Variants in IRS2 observed in about 807,000 individuals in gnomAD.
The protein encoded by IRS2 is insulin receptor substrate 2.
Under a neutral mutation model 70.9 loss-of-function variants are expected in IRS2, and 28 were observed. The ratio of observed to expected loss-of-function variants is 0.39; its 90% CI spans 0.29 to 0.54. The LOEUF is 0.54. Ranked by LOEUF, IRS2 falls within the 20% of genes least tolerant of loss-of-function variation. The pLI, the probability that IRS2 is intolerant of heterozygous loss-of-function variation, is 0.59. For missense variants in IRS2, 2,081 were observed against 2,024.1 expected (o/e 1.03, Z -0.54); for synonymous variants, 1,217 against 981.9 (o/e 1.24, Z -4.48).
rs941719930 is a variant in IRS2 at position 109,785,570 on chromosome 13, ACGCGGCGGG to A, written c.475_483del (p.Pro159_Ala161del). 6 of 1,315,974 alleles carry A rather than the reference ACGCGGCGGG, an allele frequency of 4.6e-6. No individual in the cohort carries two copies. The highest frequency in any genetic ancestry group is 4.8e-6 in the Non-Finnish European group (5 of 1,034,760). The allele number at this position is 1,315,974 out of a possible 1,614,324, so 81.5% of individuals were successfully genotyped here. A position where few individuals can be genotyped will look rare whatever the true frequency, so the allele number is the denominator to read the frequency against. On this transcript the variant is annotated inframe_deletion, in exon 1 of 2. Transcript: ENST00000375856. The surrounding 1 kb of genome is among the most constrained non-coding windows in gnomAD (Gnocchi z 9.3). ...GCGCCGGGCAGGGAGGCGCTGCAGG[ACGCGGCGGG>A]CGCGGCGGCGGGGGGCGCGTCTCCG...
chr13:109,771,061 C>T (rs1198696959), intron 1 of IRS2, among the ~76,000 whole-genome samples: 6 of 152,268 alleles, frequency 3.9e-5, no homozygotes, highest in Middle Eastern at 3.4e-3. Flanking sequence ...AACAGTAAGA[C>T]GGCAAACTGA....
chr13:109,774,714 C>G (rs1213611742), intron 1 of IRS2, among the ~76,000 whole-genome samples: 2 of 152,150 alleles, frequency 1.3e-5, no homozygotes, highest in Non-Finnish European at 2.9e-5. Flanking sequence ...ACTGTAGGTT[C>G]TTGATTCCAA....
intron 1 of IRS2, among the ~76,000 whole-genome samples, chr13:109,772,490 T>C (rs1450087946): frequency 1.3e-5 from 2 of 152,204 alleles, no homozygotes; most frequent in African/African-American, 4.8e-5. Context: ...TTCGCCCGGA[T>C]AGCAAAACTG....
chr13:109,778,612 C>T (rs749583116), intron 1 of IRS2, among the ~76,000 whole-genome samples: 51 of 152,318 alleles, frequency 3.3e-4, no homozygotes, highest in Non-Finnish European at 5.4e-4. Flanking sequence ...CTCTGCTTTA[C>T]GACTTCAAAA....
intron 1 of IRS2, among the ~76,000 whole-genome samples, chr13:109,764,345 C>G (rs1877289597): frequency 6.6e-6 from 1 of 152,216 alleles, no homozygotes; most frequent in African/African-American, 2.4e-5. Flanking sequence ...GCTGTGTAAT[C>G]TCTACAGCTA....
intron 1 of IRS2, among the ~76,000 whole-genome samples, chr13:109,776,793 T>C (rs1045333530): frequency 2.0e-5 from 3 of 152,224 alleles, no homozygotes; most frequent in Non-Finnish European, 4.4e-5. Context: ...AGTCTAGCAC[T>C]GAACTCTGTG....
Position 109,763,012 on chromosome 13 carries a change from C to T in IRS2, c.4013-6704G>A, listed in dbSNP as rs538044482. Among the ~76,000 whole-genome samples the T allele has an allele frequency of 3.9e-5, 6 of 152,264 alleles. No individual in the cohort carries two copies. In the South Asian group the frequency reaches 6.2e-4, roughly 16 times the overall value. On this transcript the variant is annotated intron_variant, in intron 1 of 1. Coordinates refer to ENST00000375856, the MANE Select transcript of IRS2 (RefSeq NM_003749.3). Reference sequence around the variant, plus strand: ...AAATAAAGTTTTATTTGGGCACAGCCGTGCTCACGCATTTACATATGGCTG... The same window carrying T: ...AAATAAAGTTTTATTTGGGCACAGCTGTGCTCACGCATTTACATATGGCTG...
chr13:109,761,769 A>G (rs1336117794), intron 1 of IRS2, among the ~76,000 whole-genome samples: 1 of 152,212 alleles, frequency 6.6e-6, no homozygotes, highest in Non-Finnish European at 1.5e-5. Flanking sequence ...CTCCTTGAGA[A>G]AGACTGAAAA....
Position 109,770,011 on chromosome 13 carries a change from T to G in IRS2, c.4012+12031A>C, listed in dbSNP as rs1218281486. On this transcript the variant is annotated intron_variant, in intron 1 of 1. Transcript: ENST00000375856. ...GAAAACTGCAAAAGGTGGCAAAAGG[T>G]GAGAATGGGAGGAGACTCATCTGTG... Among the ~76,000 whole-genome samples the G allele has an allele frequency of 3.3e-5, 5 of 152,204 alleles. 1 individual carries two copies. In the South Asian group the frequency reaches 8.3e-4, roughly 25 times the overall value.
Position 109,784,382 on chromosome 13 carries a change from G to C in IRS2, c.1672C>G (p.Arg558Gly), listed in dbSNP as rs749927669. Residue 558 changes from arginine to glycine, a missense_variant, in exon 1 of 2, where the codon CGG becomes GGG. By Grantham distance (125) the Arg-to-Gly change is moderately radical. This residue lies in a region of IRS2 where 1,615 missense variants were observed against 1,459.5 expected (regional missense o/e 1.11). Transcript: ENST00000375856. The surrounding 1 kb of genome is among the most constrained non-coding windows in gnomAD (Gnocchi z 5.2). The part of the protein sequence containing the change: ...PLSHCGRSYR[R>G]VSGDAAQDLD... ...TCCTGGGCCGCGTCCCCCGAGACCC[G>C]GCGGTAGGAGCGGCCACAGTGGCTC... The C allele has an allele frequency of 6.2e-7, 1 of 1,610,448 alleles. No individual in the cohort carries two copies. The highest frequency in any genetic ancestry group is 1.1e-5 in the South Asian group (1 of 91,040).
chr13:109,759,229 G>A (rs745483574), intron 1 of IRS2, among the ~76,000 whole-genome samples: 2 of 152,182 alleles, frequency 1.3e-5, no homozygotes, highest in Non-Finnish European at 2.9e-5. Context: ...AGCGAGAACT[G>A]TGGTCTGGGT....
At position 109,784,518 on chromosome 13, in the gene IRS2, G is replaced by A. The variant is rs1594391794; in HGVS notation, c.1536C>T (p.Ala512=). 4.5e-6 allele frequency: 7 copies of A among 1,538,526 alleles called. No homozygotes were observed. The highest frequency in any genetic ancestry group is 1.9e-5 in the Admixed American group (1 of 52,872). The change falls in exon 1 of 2, where the codon GCC becomes GCT. Residue 512 remains alanine (A), a synonymous_variant. Transcript: ENST00000375856. This position sits in a 1 kb window ranked among gnomAD's most constrained non-coding sequence, Gnocchi z 5.2. The part of the protein sequence containing the change: ...EYGSSPGDLR[A]FCSHRSNTPE... ...GCGTGTTGCTTCGGTGGCTGCAGAA[G>A]GCGCGCAGGTCGCCTGGGCTGGAGC...
At chr13:109,770,431 A>C (rs762943938) in intron 1 of IRS2, among the ~76,000 whole-genome samples, 2 of 152,248 alleles carry the variant, frequency 1.3e-5, no homozygotes, top group African/African-American at 2.4e-5. Context: ...GGATAGCAGC[A>C]GAATCAAAGC....
At chr13:109,763,610 T>C (rs1293581691) in intron 1 of IRS2, among the ~76,000 whole-genome samples, 1 of 152,270 alleles carries the variant, frequency 6.6e-6, no homozygotes, top group African/African-American at 2.4e-5. Flanking sequence ...GTAAGCATTA[T>C]GCTTCTGCCC....
At position 109,785,165 on chromosome 13, in the gene IRS2, G is replaced by C. The variant is rs760282427; in HGVS notation, c.889C>G (p.Leu297Val). ...TTACTGCGCGGCCGGAACTCGAAGA[G>C]CTCCTTGAGCGCCTTCATGGCCTCC... ...ILEAMKALKE[L>V]FEFRPRSKSQ... is the part of the protein sequence containing the mutation. The change falls in exon 1 of 2, where the codon CTC (leucine) becomes GTC (valine). Residue 297 changes from leucine (L) to valine (V), a missense_variant. Leu to Val is a conservative substitution (Grantham distance 32, BLOSUM62 1). This residue lies in a region of IRS2 where 111 missense variants were observed against 133.1 expected (regional missense o/e 0.83). Coordinates refer to ENST00000375856, the MANE Select transcript of IRS2 (RefSeq NM_003749.3). This position sits in a 1 kb window ranked among gnomAD's most constrained non-coding sequence, Gnocchi z 9.3. The C allele has an allele frequency of 3.7e-6, 6 of 1,600,198 alleles. No homozygotes were observed. The highest frequency in any genetic ancestry group is 2.7e-5 in the African/African-American group (2 of 74,634).
intron 1 of IRS2, among the ~76,000 whole-genome samples, chr13:109,781,258 C>T (rs1049963494): frequency 2.4e-4 from 36 of 152,122 alleles, no homozygotes; most frequent in African/African-American, 8.7e-4. Context: ...CGGCATTATG[C>T]GGAGACTCAC....
chr13:109,756,037 C>T lies in IRS2; in HGVS notation c.*267G>A, dbSNP rs1877099585. On this transcript the variant is annotated 3_prime_UTR_variant, in exon 2 of 2. Transcript: ENST00000375856. The stretch of plus-strand genomic sequence containing the variant: ...AAACATCCAATTTTCTTGAGAATAA[C>T]TTCTTCAGCTAATTTTGTTAAAACA... The T allele has an allele frequency of 6.1e-6, 3 of 490,884 alleles. No homozygotes were observed. The highest frequency in any genetic ancestry group is 7.3e-6 in the Non-Finnish European group (2 of 273,028). 30.4% of individuals were successfully genotyped at this position (490,884 alleles called of 1,614,324 possible).
intron 1 of IRS2, among the ~76,000 whole-genome samples, chr13:109,774,882 T>A (rs1594385600): frequency 6.6e-6 from 1 of 152,206 alleles, no homozygotes; most frequent in South Asian, 2.1e-4. Flanking sequence ...TGGCAGGCAG[T>A]TATCCGTCAA....
intron 1 of IRS2, among the ~76,000 whole-genome samples, chr13:109,776,339 G>C (rs1877578958): frequency 6.6e-6 from 1 of 152,190 alleles, no homozygotes; most frequent in South Asian, 2.1e-4. Flanking sequence ...AAACTGGACA[G>C]AGTTTCCAAG....
Sources: gnomAD v4.1 joint callset for allele counts (sites outside exome capture counted in the v4.1 genomes callset) on GRCh38, gnomAD v4.1.1 for gene constraint, gnomAD v4.1.1 regional missense constraint, Gnocchi (gnomAD v3.1) non-coding constraint, MANE v1.5 for transcripts, NCBI Gene and HGNC (gene_info 2026-07-23, HGNC 2026-07-21) for gene names.